Variants in NRAP observed in about 807,000 individuals in gnomAD.
The protein encoded by NRAP is nebulin-related-anchoring protein.
NRAP carries 189 observed loss-of-function variants against 225.9 expected under a neutral mutation model. The observed-to-expected ratio is 0.84, with a 90% CI of 0.74 to 0.94. The LOEUF (loss-of-function observed/expected upper bound fraction) is 0.94. Among genes scored for constraint, NRAP ranks in the 40% least tolerant of loss-of-function variants. The pLI is 0.00. For missense variants in NRAP, 2,176 were observed against 2,168.7 expected (o/e 1.00, Z -0.07); for synonymous variants, 769 against 790.7 (o/e 0.97, Z 0.46).
chr10:113,632,089 C>G, intron 16 of NRAP, 125 bp from the exon 17 acceptor site: 1 of 669,206 alleles, frequency 1.5e-6, no homozygotes, highest in Non-Finnish European at 2.7e-6. Flanking sequence ...CTGTTGTTAT[C>G]AAAATGATAA....
In NRAP at chr10:113,651,378, G is replaced by A. The variant is rs370692461; in HGVS notation, c.675+425C>T. ...GTTCTAGAATACATGTGCAGGACGT[G>A]CAGGTTTGTTACGTAGGTAAATGTG... is the stretch of plus-strand genomic sequence containing the variant. On this transcript the variant is annotated intron_variant, in intron 7 of 41. Transcript: ENST00000359988. 2.2e-4 allele frequency among the ~76,000 whole-genome samples: 33 copies of A among 152,258 alleles called. No individual in the cohort carries two copies. The South Asian group carries it at 6.9e-3, about 32-fold the overall frequency.
chr10:113,592,987 G>A lies in NRAP; in HGVS notation c.4537-686C>T, dbSNP rs370457350. Among the ~76,000 whole-genome samples, 7 of 152,058 alleles carry A rather than the reference G, an allele frequency of 4.6e-5. No individual in the cohort carries two copies. In the East Asian group the frequency reaches 9.7e-4, roughly 21 times the overall value. On this transcript the variant is annotated intron_variant, in intron 38 of 41. Coordinates refer to ENST00000359988, the MANE Select transcript of NRAP (RefSeq NM_198060.4). ...GGGAGTCTGTAATCATATCCTCTTA[G>A]TCCTCAGGTAGACCCACATCACCGA...
chr10:113,660,793 G>T lies in NRAP; in HGVS notation c.255+1886C>A, dbSNP rs537438642. On this transcript the variant is annotated intron_variant, in intron 3 of 41. Transcript: ENST00000359988. Reference sequence around the variant, plus strand: ...TTGAAAACATGAACAAGTGCTTTTTGTCTTCTGGAGAGTTTGCCACCCTCT... The same window carrying T: ...TTGAAAACATGAACAAGTGCTTTTTTTCTTCTGGAGAGTTTGCCACCCTCT... 1.6e-4 allele frequency among the ~76,000 whole-genome samples: 25 copies of T among 152,252 alleles called. No individual in the cohort carries two copies. The East Asian group carries it at 4.6e-3, about 28-fold the overall frequency.
In NRAP at chr10:113,592,342, C is replaced by T. The variant is rs1190374830; in HGVS notation, c.4537-41G>A. 7 of 1,323,280 alleles carry T rather than the reference C, an allele frequency of 5.3e-6. No homozygotes were observed. The African/African-American group carries it at 5.8e-5, about 11-fold the overall frequency. 82.0% of individuals were successfully genotyped at this position (1,323,280 alleles called of 1,614,324 possible). ...AAAAGCATGAGTAAGCAGGCAGTCA[C>T]TCCACTGTCTTCCATGTTGCTGGTA... is the stretch of plus-strand genomic sequence containing the variant. On this transcript the variant is annotated intron_variant, in intron 38 of 41. Coordinates refer to ENST00000359988, the MANE Select transcript of NRAP (RefSeq NM_198060.4).
In NRAP at chr10:113,614,171, C is replaced by T. The variant is rs372607955; in HGVS notation, c.3300+12G>A. On this transcript the variant is annotated intron_variant, in intron 29 of 41. Transcript: ENST00000359988. The stretch of plus-strand genomic sequence containing the variant: ...GGGCCCTGCAGCCGCTGATGCCTCT[C>T]CCCCCACTTACATCACTCTGCAGTG... 28 of 1,567,366 alleles carry T rather than the reference C, an allele frequency of 1.8e-5. No homozygotes were observed. Among genetic ancestry groups the T allele is most frequent in the African/African-American group, 2.7e-5 (2 of 74,002 alleles).
At chr10:113,619,105 A>G (rs1847836065) in intron 25 of NRAP, among the ~76,000 whole-genome samples, 1 of 152,214 alleles carries the variant, frequency 6.6e-6, no homozygotes, top group Admixed American at 6.5e-5. Flanking sequence ...AAAGAGGATA[A>G]GCAAATTTGT....
At chr10:113,590,924 G>GCCTA (rs900587819) in intron 39 of NRAP, 35 bp from the exon 40 acceptor site, 1 of 1,592,642 alleles carries the variant, frequency 6.3e-7, no homozygotes, top group African/African-American at 1.3e-5. Flanking sequence ...GATCATGGGT[G>GCCTA]CCTACCTCCC....
At chr10:113,653,162 T>C (rs745995455) in intron 5 of NRAP, 123 bp from the exon 6 acceptor site, 10 of 591,308 alleles carry the variant, frequency 1.7e-5, no homozygotes, top group Non-Finnish European at 2.9e-5. Flanking sequence ...CAATCACCTG[T>C]AATAAATTTA....
chr10:113,651,937 C>A (rs765686079), intron 6 of NRAP, 30 bp from the exon 7 acceptor site: 4 of 1,395,148 alleles, frequency 2.9e-6, no homozygotes, highest in Non-Finnish European at 4.1e-6. Flanking sequence ...GTCAAGGGTG[C>A]ACCCACCTCA....
rs774615104 is a variant in NRAP, at chr10:113,589,751, G to A, written c.5003C>T (p.Thr1668Ile). ...DLNLTRGVGW[T>I]PPGSYKVEMA... The stretch of plus-strand genomic sequence containing the variant: ...TTCCACTTTGTAGGAGCCAGGAGGG[G>A]TCCAGCCAACACCTCTGGTCAGGTT... Residue 1668 changes from threonine (T) to isoleucine (I), a missense_variant, in exon 41 of 42, where the codon ACC becomes ATC. Around this residue, in one of 3 missense-constraint regions of NRAP, gnomAD observed 445 missense variants for 426.1 expected, o/e 1.04. Transcript: ENST00000359988. 3.1e-6 allele frequency: 5 copies of A among 1,614,044 alleles called. No individual in the cohort carries two copies. Among genetic ancestry groups the A allele is most frequent in the Non-Finnish European group, 4.2e-6 (5 of 1,180,036 alleles).
At chr10:113,614,358 G>A (rs1225624890) in intron 28 of NRAP, 62 bp from the exon 29 acceptor site, 1 of 1,122,336 alleles carries the variant, frequency 8.9e-7, no homozygotes, top group Non-Finnish European at 1.4e-6. Context: ...GAATGGAAGA[G>A]GTGGGCATTG....
At chr10:113,642,774 T>C (rs1203462974) in intron 12 of NRAP, among the ~76,000 whole-genome samples, 160 bp downstream of exon 12, 1 of 152,096 alleles carries the variant, frequency 6.6e-6, no homozygotes, top group Non-Finnish European at 1.5e-5. Context: ...TGAGGACCAA[T>C]CCCAGCAGGC....
chr10:113,660,230 C>A (rs1190670741), intron 3 of NRAP, among the ~76,000 whole-genome samples: 1 of 152,050 alleles, frequency 6.6e-6, no homozygotes, highest in African/African-American at 2.4e-5. Flanking sequence ...TAAACACATA[C>A]ACACCAAATA....
At chr10:113,613,806 C>T (rs1371344353) in intron 29 of NRAP, among the ~76,000 whole-genome samples, 1 of 152,098 alleles carries the variant, frequency 6.6e-6, no homozygotes, top group Non-Finnish European at 1.5e-5. Context: ...CAGCTTCTGG[C>T]CAGAAGCTTA....
Position 113,589,657 on chromosome 10 carries a change from G to C in NRAP, c.5088+9C>G. The C allele has an allele frequency of 6.2e-7, 1 of 1,611,168 alleles. No homozygotes were observed. On this transcript the variant is annotated intron_variant, in intron 41 of 41. Coordinates refer to ENST00000359988, the MANE Select transcript of NRAP (RefSeq NM_198060.4). Reference sequence around the variant, plus strand: ...CAAGCCAGGGGTGGCTTTGCAGCTTGCTACTCACGTAAGCTCCCTGGAGAC... The same window carrying C: ...CAAGCCAGGGGTGGCTTTGCAGCTTCCTACTCACGTAAGCTCCCTGGAGAC...
Position 113,623,655 on chromosome 10 carries a change from G to C in NRAP, c.2350-19C>G. The C allele has an allele frequency of 1.3e-6, 2 of 1,546,706 alleles. No individual in the cohort carries two copies. The highest frequency in any genetic ancestry group is 1.8e-6 in the Non-Finnish European group (2 of 1,119,874). ...ACAGTTTCTAAGGGGATTTAGGAGA[G>C]AAGGTGAGTGGGTTTTCATGTGAGA... On this transcript the variant is annotated intron_variant, in intron 22 of 41. Transcript: ENST00000359988.
chr10:113,615,022 C>T, intron 27 of NRAP, 76 bp from the exon 28 acceptor site: 6 of 924,738 alleles, frequency 6.5e-6, no homozygotes, highest in Non-Finnish European at 1.1e-5. Flanking sequence ...ACCAAATTGG[C>T]AATCTGGTTT....
At chr10:113,653,685 G>A (rs1850128554) in intron 5 of NRAP, among the ~76,000 whole-genome samples, 1 of 152,152 alleles carries the variant, frequency 6.6e-6, no homozygotes, top group Non-Finnish European at 1.5e-5. Flanking sequence ...AGCCTGCTAA[G>A]GTCTCTTATG....
At position 113,663,831 on chromosome 10, in the gene NRAP, T is replaced by C; in HGVS notation, c.52A>G (p.Lys18Glu). ...RCGYGVYPAEKISCIDQIWHK... is the reference protein window; with the variant it reads ...RCGYGVYPAEEISCIDQIWHK... ...CTGACCTGATCTATACAGCTGATCT[T>C]CTCGGCAGGATAAACCCCATACCCA... The change falls in exon 1 of 42, where the codon AAG becomes GAG. Residue 18 changes from lysine (K) to glutamate (E), a missense_variant. Physicochemically the swap from Lys to Glu is moderately conservative, Grantham distance 56. Coordinates refer to ENST00000359988, the MANE Select transcript of NRAP (RefSeq NM_198060.4). 6.2e-7 allele frequency: 1 copy of C among 1,613,790 alleles called. No individual in the cohort carries two copies. The highest frequency in any genetic ancestry group is 8.5e-7 in the Non-Finnish European group (1 of 1,179,702).
Sources: allele counts gnomAD v4.1 joint callset (sites outside exome capture counted in the v4.1 genomes callset), GRCh38; gene constraint gnomAD v4.1.1; regional missense constraint gnomAD v4.1.1; transcripts MANE v1.5; gene names NCBI Gene and HGNC (gene_info 2026-07-23, HGNC 2026-07-21).